ATP7A: variants seen among roughly 807,000 people sequenced by gnomAD.
The protein encoded by ATP7A is copper-transporting ATPase 1.
A neutral mutation model predicts 83.5 loss-of-function variants in ATP7A; 7 were observed. That is an observed-to-expected ratio of 0.08 (90% CI 0.05 to 0.16). The LOEUF is 0.16. Ranked by LOEUF, ATP7A falls within the 10% of genes least tolerant of loss-of-function variation. ATP7A has a pLI of 1.00. For missense variants in ATP7A, 940 were observed against 1,120.8 expected (o/e 0.84, Z 2.30); for synonymous variants, 354 against 395.2 (o/e 0.90, Z 1.24).
At chrX:78,027,313 G>A (rs782022152) in intron 14 of ATP7A, among the ~76,000 whole-genome samples, 72 of 111,474 alleles carry the variant, frequency 6.5e-4, no homozygotes, top group Non-Finnish European at 5.1e-4. Flanking sequence ...CACCAGCAAC[G>A]TCCAACTCGA....
chrX:77,962,525 C>A (rs1373607684), intron 1 of ATP7A: 2 of 273,026 alleles, frequency 7.3e-6, no homozygotes, highest in Non-Finnish European at 1.4e-5. Context: ...AACCTGGACA[C>A]CCTCCACTGT....
intron 2 of ATP7A, 39 bp from the exon 3 acceptor site, chrX:77,988,203 A>G (rs1317245492): frequency 8.6e-7 from 1 of 1,167,035 alleles, no homozygotes; most frequent in African/African-American, 1.8e-5. Flanking sequence ...TGTGTGATAG[A>G]ATTTAATTAA....
intron 1 of ATP7A, among the ~76,000 whole-genome samples, chrX:77,931,691 G>A (rs1156500377): frequency 2.8e-5 from 3 of 105,606 alleles, no homozygotes; most frequent in Non-Finnish European, 5.9e-5. Flanking sequence ...CAGGCAGAGG[G>A]GCTCCTCACT....
At chrX:77,959,070 G>A (rs912378276) in intron 1 of ATP7A, among the ~76,000 whole-genome samples, 2 of 111,146 alleles carry the variant, frequency 1.8e-5, no homozygotes, top group Non-Finnish European at 1.9e-5. Context: ...TTACAGGTGT[G>A]AGCCAACGCA....
At chrX:77,934,949 G>A (rs1324605368) in intron 1 of ATP7A, among the ~76,000 whole-genome samples, 2 of 107,986 alleles carry the variant, frequency 1.9e-5, no homozygotes, top group African/African-American at 6.8e-5. Context: ...GGGACTGCAG[G>A]TGTGCACCAC....
intron 12 of ATP7A, among the ~76,000 whole-genome samples, chrX:78,016,519 T>C (rs1208015733): frequency 9.0e-6 from 1 of 111,020 alleles, no homozygotes; most frequent in Non-Finnish European, 1.9e-5. Flanking sequence ...AAGTCCACAA[T>C]CTAAAGTCTC....
intron 5 of ATP7A, among the ~76,000 whole-genome samples, chrX:78,001,493 A>G (rs1186742485): frequency 4.5e-5 from 5 of 111,572 alleles, no homozygotes; most frequent in African/African-American, 1.6e-4. Context: ...TAAATGTACA[A>G]TTAAATTATG....
At chrX:78,001,141 T>G (rs2077736295) in intron 5 of ATP7A, among the ~76,000 whole-genome samples, 1 of 111,674 alleles carries the variant, frequency 9.0e-6, no homozygotes, top group Admixed American at 9.6e-5. Context: ...GCAAAAAGAT[T>G]TTTTCCTACT....
chrX:77,990,097 C>A, intron 4 of ATP7A, 139 bp downstream of exon 4: 2 of 763,620 alleles, frequency 2.6e-6, no homozygotes, highest in East Asian at 3.3e-5. Flanking sequence ...AGGTAGCCAG[C>A]AGTATATACA....
At chrX:77,964,089 G>A (rs971403422) in intron 1 of ATP7A, 2 of 112,013 alleles carry the variant, frequency 1.8e-5, no homozygotes, top group East Asian at 5.5e-4. Flanking sequence ...AGCTTTACAA[G>A]TTATTTACAT....
intron 4 of ATP7A, among the ~76,000 whole-genome samples, chrX:77,997,034 A>G (rs940094099): frequency 3.7e-4 from 42 of 112,323 alleles, no homozygotes; most frequent in Non-Finnish European, 1.1e-4. Flanking sequence ...AAGTGATTCA[A>G]TTAAGACCAG....
At chrX:77,953,562 A>G (rs1557227024) in intron 1 of ATP7A, among the ~76,000 whole-genome samples, 1 of 112,288 alleles carries the variant, frequency 8.9e-6, no homozygotes, top group African/African-American at 3.2e-5. Flanking sequence ...AGTTCCACAC[A>G]CACTAAAAAC....
At chrX:77,996,511 C>T (rs1183619155) in intron 4 of ATP7A, among the ~76,000 whole-genome samples, 1 of 111,415 alleles carries the variant, frequency 9.0e-6, no homozygotes, top group African/African-American at 3.3e-5. Context: ...TTCATTGTGA[C>T]CTTTTCACAC....
chrX:77,923,258 C>T (rs1169869259), intron 1 of ATP7A: 3 of 111,976 alleles, frequency 2.7e-5, no homozygotes, highest in African/African-American at 9.7e-5. Flanking sequence ...CATCTGCACC[C>T]TAGATTCTGA....
At chrX:77,930,353 G>A (rs896148780) in intron 1 of ATP7A, among the ~76,000 whole-genome samples, 4 of 111,668 alleles carry the variant, frequency 3.6e-5, no homozygotes, top group Non-Finnish European at 5.6e-5. Context: ...TTGAGAACAG[G>A]GAAATTCAGT....
chrX:78,008,020 C>G (rs782638906), intron 6 of ATP7A, among the ~76,000 whole-genome samples: 22 of 112,142 alleles, frequency 2.0e-4, no homozygotes, highest in Non-Finnish European at 3.9e-4. Context: ...AATACTATGT[C>G]TTATTCATTC....
At chrX:78,004,537 C>T (rs2077760673) in intron 6 of ATP7A, among the ~76,000 whole-genome samples, 1 of 107,977 alleles carries the variant, frequency 9.3e-6, no homozygotes, top group African/African-American at 3.4e-5. Context: ...TCACTTGAGC[C>T]CAGGAGTTCA....
Position 77,927,875 on chromosome X carries a change from G to A in ATP7A, c.-22+17040G>A, listed in dbSNP as rs182825972. Among the ~76,000 whole-genome samples, 200 of 110,963 alleles carry A rather than the reference G, an allele frequency of 1.8e-3. 2 individuals are homozygous for A. Among genetic ancestry groups the A allele is most frequent in the African/African-American group, 6.0e-3 (182 of 30,529 alleles). ...TTCCCACCTATGAGTGAGAACATGC[G>A]GTGTTTGGTTTTTTTGTCCTTGCGA... On this transcript the variant is annotated intron_variant, in intron 1 of 22. Transcript: ENST00000341514.
chrX:77,949,803 A>T (rs1440619975), intron 1 of ATP7A, among the ~76,000 whole-genome samples: 1 of 112,169 alleles, frequency 8.9e-6, no homozygotes, highest in Non-Finnish European at 1.9e-5. Flanking sequence ...AGAGATCTAC[A>T]TCATTGTTTT....
Sources: gnomAD v4.1 joint callset for allele counts (sites outside exome capture counted in the v4.1 genomes callset) on GRCh38, gnomAD v4.1.1 for gene constraint, MANE v1.5 for transcripts, NCBI Gene and HGNC (gene_info 2026-07-23, HGNC 2026-07-21) for gene names.